The following CDIN1 variants were observed in gnomAD, a reference collection of about 807,000 sequenced individuals.
CDIN1 encodes CDAN1 interacting nuclease 1.
Under a neutral mutation model 45.3 loss-of-function variants are expected in CDIN1, and 33 were observed. The observed-to-expected ratio is 0.73, with a 90% CI of 0.55 to 0.97. The LOEUF (loss-of-function observed/expected upper bound fraction) is 0.97. CDIN1 is among the 50% of genes least tolerant of loss of function. The pLI is 0.00. For synonymous variants in CDIN1, 118 were observed against 124.4 expected (o/e 0.95, Z 0.34); for missense variants, 303 against 339.4 (o/e 0.89, Z 0.84).
intron 1 of CDIN1, among the ~76,000 whole-genome samples, chr15:36,631,972 A>G: frequency 6.6e-6 from 1 of 152,072 alleles, no homozygotes; most frequent in East Asian, 1.9e-4. Flanking sequence ...CTGGGACTAC[A>G]GGCGTGCACC....
chr15:36,785,630 A>G (rs146703333), intron 10 of CDIN1, among the ~76,000 whole-genome samples: 2 of 152,302 alleles, frequency 1.3e-5, no homozygotes, highest in African/African-American at 4.8e-5. Flanking sequence ...ACACATTGCA[A>G]CTTGAAAACT....
At chr15:36,658,388 A>G (rs1247998532) in intron 5 of CDIN1, 1 of 152,282 alleles carries the variant, frequency 6.6e-6, no homozygotes, top group Non-Finnish European at 1.5e-5. Context: ...TTAATTTGCC[A>G]CTGAAAAAAT....
intron 10 of CDIN1, 24 bp downstream of exon 10, chr15:36,709,985 T>A: frequency 6.5e-7 from 1 of 1,543,438 alleles, no homozygotes; most frequent in Non-Finnish European, 8.9e-7. Flanking sequence ...ATTTTTCTTT[T>A]AAGATAAACG....
chr15:36,635,038 A>G (rs2039838282), intron 1 of CDIN1, among the ~76,000 whole-genome samples: 1 of 152,204 alleles, frequency 6.6e-6, no homozygotes, highest in Non-Finnish European at 1.5e-5. Context: ...ATAGGGCTAG[A>G]GGACAAAGTT....
chr15:36,690,349 A>G (rs1353389445), intron 5 of CDIN1, among the ~76,000 whole-genome samples: 6 of 151,532 alleles, frequency 4.0e-5, no homozygotes. Context: ...GCTCACTGCA[A>G]CCTCCGCCTC....
intron 10 of CDIN1, among the ~76,000 whole-genome samples, chr15:36,734,761 T>G (rs2140921075): frequency 6.6e-6 from 1 of 152,340 alleles, no homozygotes; most frequent in African/African-American, 2.4e-5. Context: ...GTAATTACTC[T>G]TTCATTGAGA....
intron 5 of CDIN1, among the ~76,000 whole-genome samples, chr15:36,688,609 A>G (rs1336844635): frequency 6.6e-6 from 1 of 152,226 alleles, no homozygotes; most frequent in Non-Finnish European, 1.5e-5. Context: ...GTTGAGGAGA[A>G]TAGGAATCCT....
intron 10 of CDIN1, among the ~76,000 whole-genome samples, chr15:36,720,275 T>TATTA (rs2043364916): frequency 7.1e-6 from 1 of 140,270 alleles, no homozygotes. Context: ...TTTATTTATT[T>TATTA]ATTATTATTT....
rs79110853 is a variant in CDIN1 at position 36,773,015 on chromosome 15, T to C, written c.717-35309T>C. Among the ~76,000 whole-genome samples, 213 of 152,082 alleles carry C rather than the reference T, an allele frequency of 1.4e-3. 1 individual carries two copies. The highest frequency in any genetic ancestry group is 4.6e-3 in the African/African-American group (189 of 41,512). On this transcript the variant is annotated intron_variant, in intron 10 of 10. Transcript: ENST00000566621. ...GTTACATGCATATTTCATCTGCTAG[T>C]GTTCAGGCAGACTTTTAGAATCAAG...
chr15:36,647,361 CAGTTG>C (rs1458229064), intron 3 of CDIN1, among the ~76,000 whole-genome samples: 1 of 152,116 alleles, frequency 6.6e-6, no homozygotes, highest in Non-Finnish European at 1.5e-5. Flanking sequence ...CAATGATGAA[CAGTTG>C]AGTGGGTAAT....
intron 8 of CDIN1, among the ~76,000 whole-genome samples, chr15:36,701,800 G>A (rs538326569): frequency 6.6e-6 from 1 of 152,168 alleles, no homozygotes; most frequent in Non-Finnish European, 1.5e-5. Flanking sequence ...TTTTACAGGG[G>A]TGCTTGTGTA....
chr15:36,599,668 A>G (rs1041724993), intron 1 of CDIN1, among the ~76,000 whole-genome samples: 1 of 152,202 alleles, frequency 6.6e-6, no homozygotes, highest in Non-Finnish European at 1.5e-5. Flanking sequence ...TAAAAATTGC[A>G]CTATTTGTAT....
intron 8 of CDIN1, among the ~76,000 whole-genome samples, chr15:36,702,695 G>T (rs1595493242): frequency 6.6e-6 from 1 of 152,244 alleles, no homozygotes; most frequent in East Asian, 1.9e-4. Flanking sequence ...CCAGAGGAGA[G>T]ATTTGCTTCT....
chr15:36,689,888 C>A (rs74376885), intron 5 of CDIN1, among the ~76,000 whole-genome samples: 5 of 152,256 alleles, frequency 3.3e-5, no homozygotes, highest in Middle Eastern at 3.4e-3. Flanking sequence ...CTTTAGCTGT[C>A]TTCTCTAGAG....
intron 8 of CDIN1, among the ~76,000 whole-genome samples, chr15:36,701,098 GTAGA>G (rs1427734437): frequency 1.2e-3 from 170 of 143,264 alleles, no homozygotes; most frequent in Middle Eastern, 7.1e-3. Flanking sequence ...AGGTAGGTAG[GTAGA>G]TAGATAGATA....
chr15:36,795,036 A>C (rs1328046523), intron 10 of CDIN1, among the ~76,000 whole-genome samples: 3 of 147,728 alleles, frequency 2.0e-5, no homozygotes, highest in Non-Finnish European at 3.1e-5. Flanking sequence ...CAGGCACAGA[A>C]TAACAAATAT....
At chr15:36,604,145 A>G (rs545138971) in intron 1 of CDIN1, among the ~76,000 whole-genome samples, 4 of 152,090 alleles carry the variant, frequency 2.6e-5, no homozygotes, top group Non-Finnish European at 5.9e-5. Flanking sequence ...TTCTGCTTCA[A>G]TGCTTGGTTC....
rs752225214 is a variant in CDIN1, at chr15:36,709,846, T to C, written c.611-10T>C. On this transcript the variant is annotated splice_polypyrimidine_tract_variant and intron_variant, in intron 9 of 10. Coordinates refer to ENST00000566621, the MANE Select transcript of CDIN1 (RefSeq NM_001321759.2). ...CCTTCTCCGTATATTAGTAATGCTT[T>C]GTCCCTTAGCTGTAGAAGGGCACAT... The C allele has an allele frequency of 6.8e-6, 11 of 1,607,336 alleles. No individual in the cohort carries two copies. The East Asian group carries it at 1.1e-4, about 16-fold the overall frequency.
chr15:36,596,796 A>C (rs370863248), intron 1 of CDIN1, among the ~76,000 whole-genome samples: 56 of 152,252 alleles, frequency 3.7e-4, no homozygotes, highest in African/African-American at 9.6e-4. Context: ...AAAAAACAAA[A>C]AACAACAACA....
Sources: allele counts gnomAD v4.1 joint callset (sites outside exome capture counted in the v4.1 genomes callset), GRCh38; gene constraint gnomAD v4.1.1; transcripts MANE v1.5; gene names NCBI Gene and HGNC (gene_info 2026-07-23, HGNC 2026-07-21).